RAB8B: variants seen among roughly 807,000 people sequenced by gnomAD.
RAB8B encodes the protein RAB8B, member RAS oncogene family.
A neutral mutation model predicts 32.0 loss-of-function variants in RAB8B; 11 were observed. The observed-to-expected ratio is 0.34, with a 90% CI of 0.22 to 0.57. RAB8B has a LOEUF of 0.57. Ranked by LOEUF, RAB8B falls within the 20% of genes least tolerant of loss-of-function variation. RAB8B has a pLI of 0.86. For synonymous variants in RAB8B, 103 were observed against 89.6 expected (o/e 1.15, Z -0.85); for missense variants, 190 against 258.5 (o/e 0.73, Z 1.82).
chr15:63,222,335 G>A (rs1189066160), intron 1 of RAB8B, among the ~76,000 whole-genome samples: 2 of 152,086 alleles, frequency 1.3e-5, no homozygotes, highest in Non-Finnish European at 1.5e-5. Flanking sequence ...CCGGCTTAGG[G>A]GTGGTAGTGG....
At chr15:63,249,295 C>G (rs1023042262) in intron 2 of RAB8B, among the ~76,000 whole-genome samples, 7 of 152,196 alleles carry the variant, frequency 4.6e-5, no homozygotes, top group Non-Finnish European at 1.0e-4. Flanking sequence ...AGGATTATAA[C>G]TATCTCGGGG....
intron 1 of RAB8B, among the ~76,000 whole-genome samples, chr15:63,243,006 G>C (rs1411423061): frequency 6.6e-6 from 1 of 152,220 alleles, no homozygotes; most frequent in Non-Finnish European, 1.5e-5. Context: ...GGAGCTGTGA[G>C]CATGTTTTCC....
chr15:63,237,232 A>T (rs2037988608), intron 1 of RAB8B, among the ~76,000 whole-genome samples: 1 of 152,172 alleles, frequency 6.6e-6, no homozygotes, highest in African/African-American at 2.4e-5. Context: ...TTTCTTTGAC[A>T]TACTCATTTC....
At chr15:63,207,865 C>T (rs1307798788) in intron 1 of RAB8B, among the ~76,000 whole-genome samples, 1 of 152,138 alleles carries the variant, frequency 6.6e-6, no homozygotes, top group Admixed American at 6.6e-5. Flanking sequence ...CGCCTGGCCC[C>T]TTTTCCTCAG....
chr15:63,238,676 A>T (rs2038005145), intron 1 of RAB8B, among the ~76,000 whole-genome samples: 2 of 152,194 alleles, frequency 1.3e-5, no homozygotes, highest in Admixed American at 6.5e-5. Context: ...GGTATATAAT[A>T]TAGAGGATAT....
intron 1 of RAB8B, among the ~76,000 whole-genome samples, chr15:63,212,851 C>T (rs146585365): frequency 1.3e-3 from 195 of 152,270 alleles, no homozygotes; most frequent in African/African-American, 4.4e-3. Flanking sequence ...ATTATATATT[C>T]CCATAGTGAG....
At chr15:63,228,691 A>T (rs537276152) in intron 1 of RAB8B, among the ~76,000 whole-genome samples, 44 of 152,326 alleles carry the variant, frequency 2.9e-4, no homozygotes, top group African/African-American at 1.0e-3. Context: ...GCTCTTTCAG[A>T]TGGAGTGTGT....
At chr15:63,258,071 A>G (rs952816365) in intron 5 of RAB8B, among the ~76,000 whole-genome samples, 5 of 151,616 alleles carry the variant, frequency 3.3e-5, no homozygotes, top group Non-Finnish European at 5.9e-5. Context: ...GTCTCAAAAA[A>G]AAAAAAAAAG....
intron 1 of RAB8B, among the ~76,000 whole-genome samples, chr15:63,237,806 C>T (rs185909856): frequency 9.4e-4 from 143 of 152,190 alleles, no homozygotes; most frequent in Non-Finnish European, 1.5e-3. Flanking sequence ...GAAATATTTG[C>T]CCAATCCAAT....
At chr15:63,225,737 G>C (rs1051206222) in intron 1 of RAB8B, among the ~76,000 whole-genome samples, 5 of 152,200 alleles carry the variant, frequency 3.3e-5, no homozygotes, top group African/African-American at 1.2e-4. Flanking sequence ...GTATTCCTCA[G>C]TGCCTAGCGT....
intron 1 of RAB8B, among the ~76,000 whole-genome samples, chr15:63,203,440 A>G (rs927222529): frequency 1.1e-4 from 17 of 152,332 alleles, no homozygotes; most frequent in African/African-American, 3.1e-4. Flanking sequence ...TGAGAATTGA[A>G]TGCTGTTACT....
intron 1 of RAB8B, among the ~76,000 whole-genome samples, chr15:63,197,539 A>G (rs1300030215): frequency 1.3e-5 from 2 of 151,432 alleles, no homozygotes; most frequent in African/African-American, 4.9e-5. Context: ...ATACCTGGTT[A>G]ATTTTTGTAT....
At chr15:63,195,024 A>G (rs2037589117) in intron 1 of RAB8B, among the ~76,000 whole-genome samples, 1 of 152,236 alleles carries the variant, frequency 6.6e-6, no homozygotes, top group South Asian at 2.1e-4. Flanking sequence ...TTTTTATCCA[A>G]GATGACATCA....
intron 1 of RAB8B, among the ~76,000 whole-genome samples, chr15:63,202,186 G>A (rs1421014930): frequency 3.3e-5 from 5 of 150,974 alleles, no homozygotes; most frequent in African/African-American, 1.2e-4. Flanking sequence ...GCTGAGGGAG[G>A]AGAATGGCGT....
intron 1 of RAB8B, among the ~76,000 whole-genome samples, chr15:63,195,790 T>C (rs1338128711): frequency 6.6e-6 from 1 of 151,960 alleles, no homozygotes; most frequent in African/African-American, 2.4e-5. Flanking sequence ...GAGAAGAGGG[T>C]TGGGGGTGAG....
chr15:63,209,452 G>A (rs562736711), intron 1 of RAB8B, among the ~76,000 whole-genome samples: 7 of 152,024 alleles, frequency 4.6e-5, no homozygotes, highest in African/African-American at 1.7e-4. Flanking sequence ...TTAGCCAAGC[G>A]TAGTGGCAGG....
chr15:63,224,847 G>A (rs1028946002), intron 1 of RAB8B, among the ~76,000 whole-genome samples: 3 of 152,196 alleles, frequency 2.0e-5, no homozygotes, highest in Non-Finnish European at 2.9e-5. Context: ...ACTCTAAAGG[G>A]TGATTCTCCT....
Position 63,246,655 on chromosome 15 carries a change from G to A in RAB8B, c.185+1839G>A, listed in dbSNP as rs551941479. Among the ~76,000 whole-genome samples, 18 of 152,242 alleles carry A rather than the reference G, an allele frequency of 1.2e-4. No individual in the cohort carries two copies. The East Asian group carries it at 3.5e-3, about 29-fold the overall frequency. On this transcript the variant is annotated intron_variant, in intron 2 of 7. Transcript: ENST00000321437. ...ACTCTCCTGAAGCTCTCCAAACCCA[G>A]TCCTTTGAGTTTTTATGGAAGCTTC...
intron 3 of RAB8B, chr15:63,251,309 C>T (rs2038115135): frequency 2.2e-6 from 1 of 455,798 alleles, no homozygotes; most frequent in Admixed American, 2.4e-5. Context: ...ATAAAAAGAA[C>T]ATCATAACAG....
Sources: gnomAD v4.1 joint callset for allele counts (sites outside exome capture counted in the v4.1 genomes callset) on GRCh38, gnomAD v4.1.1 for gene constraint, MANE v1.5 for transcripts, NCBI Gene and HGNC (gene_info 2026-07-23, HGNC 2026-07-21) for gene names.